EGR3: variants seen among roughly 807,000 people sequenced by gnomAD.
The protein encoded by EGR3 is early growth response 3.
A neutral mutation model predicts 22.4 loss-of-function variants in EGR3; 4 were observed. That is an observed-to-expected ratio of 0.18 (90% CI 0.09 to 0.41). EGR3 has a LOEUF of 0.41. Among genes scored for constraint, EGR3 ranks in the 10% least tolerant of loss-of-function variants. EGR3 has a pLI of 1.00. For synonymous variants in EGR3, 219 were observed against 226.8 expected (o/e 0.97, Z 0.31); for missense variants, 315 against 541.3 (o/e 0.58, Z 4.15).
rs1213642072 is a variant in EGR3 at position 22,687,686 on chromosome 8, T to C, written c.*2787A>G. On this transcript the variant is annotated 3_prime_UTR_variant, in exon 2 of 2. Coordinates refer to ENST00000317216, the MANE Select transcript of EGR3 (RefSeq NM_004430.3). The surrounding 1 kb of genome is among the most constrained non-coding windows in gnomAD (Gnocchi z 4.7). ...CAGGCCAAACTAAAGCTTTATGCTA[T>C]AAAAACAAGAAATAAAATAAGGAGA... The C allele has an allele frequency of 6.6e-6, 1 of 152,614 alleles. No individual in the cohort carries two copies. The highest frequency in any genetic ancestry group is 1.5e-5 in the Non-Finnish European group (1 of 68,022). The allele number at this position is 152,614 out of a possible 1,614,324, so 9.5% of individuals were successfully genotyped here. A position where few individuals can be genotyped will look rare whatever the true frequency, so the allele number is the denominator to read the frequency against.
rs1221323328 is a variant in EGR3 at position 22,688,689 on chromosome 8, C to T, written c.*1784G>A. The T allele has an allele frequency of 1.3e-5, 2 of 152,636 alleles. No homozygotes were observed. The highest frequency in any genetic ancestry group is 2.9e-5 in the Non-Finnish European group (2 of 68,040). The allele number at this position is 152,636 out of a possible 1,614,324, so 9.5% of individuals were successfully genotyped here. On this transcript the variant is annotated 3_prime_UTR_variant, in exon 2 of 2. Transcript: ENST00000317216. Reference sequence around the variant, plus strand: ...TTCTGTAAACTCCAGACCTTTGTTCCTTCTCTCTGGGCAACTTACTGACCA... The same window carrying T: ...TTCTGTAAACTCCAGACCTTTGTTCTTTCTCTCTGGGCAACTTACTGACCA...
rs767220380 is a variant in EGR3, at chr8:22,691,426, A to C, written c.211T>G (p.Ser71Ala). The C allele has an allele frequency of 3.1e-6, 5 of 1,613,950 alleles. No individual in the cohort carries two copies. The African/African-American group carries it at 4.0e-5, about 13-fold the overall frequency. The change falls in exon 2 of 2, where the codon TCC (serine) becomes GCC (alanine). Residue 71 changes from serine to alanine, a missense_variant. By Grantham distance (99) the Ser-to-Ala change is moderately conservative. This residue lies in a region of EGR3 where 227 missense variants were observed against 303.6 expected (regional missense o/e 0.75). Transcript: ENST00000317216. ...NEKPNPELSYSGSFQPAPGNK... is the reference protein window; with the variant it reads ...NEKPNPELSYAGSFQPAPGNK... ...CCGGGGGCTGGCTGGAAGGAGCCGG[A>C]GTAAGAGAGTTCCGGGTTGGGCTTC... is the stretch of plus-strand genomic sequence containing the variant.
At position 22,692,771 on chromosome 8, in the gene EGR3, C is replaced by T. The variant is rs373059385; in HGVS notation, c.154+20G>A. 1.6e-5 allele frequency: 25 copies of T among 1,612,674 alleles called. No individual in the cohort carries two copies. Among genetic ancestry groups the T allele is most frequent in the East Asian group, 6.7e-5 (3 of 44,844 alleles). Reference sequence around the variant, plus strand: ...TCCCCTTCCTTCCTCGCTGCCTCGCCGCCTCCCCGCCGCCCTTACCTGTAG... The same window carrying T: ...TCCCCTTCCTTCCTCGCTGCCTCGCTGCCTCCCCGCCGCCCTTACCTGTAG... On this transcript the variant is annotated intron_variant, in intron 1 of 1. Coordinates refer to ENST00000317216, the MANE Select transcript of EGR3 (RefSeq NM_004430.3). This position sits in a 1 kb window ranked among gnomAD's most constrained non-coding sequence, Gnocchi z 6.2.
rs902281212 is a variant in EGR3, at chr8:22,690,120, C to T, written c.*353G>A. 2.2e-5 allele frequency: 7 copies of T among 319,098 alleles called. No individual in the cohort carries two copies. In the East Asian group the frequency reaches 3.8e-4, roughly 17 times the overall value. The allele number at this position is 319,098 out of a possible 1,614,324, so 19.8% of individuals were successfully genotyped here. On this transcript the variant is annotated 3_prime_UTR_variant, in exon 2 of 2. Coordinates refer to ENST00000317216, the MANE Select transcript of EGR3 (RefSeq NM_004430.3). The stretch of plus-strand genomic sequence containing the variant: ...GAAACAATGAGGTGTTTGGGTCGGG[C>T]GAGGGTTGGATGGGCTCCGCCTTCA...
Position 22,688,571 on chromosome 8 carries a change from C to CA in EGR3, c.*1901dup, listed in dbSNP as rs1453035355. On this transcript the variant is annotated 3_prime_UTR_variant, in exon 2 of 2. Transcript: ENST00000317216. Reference sequence around the variant, plus strand: ...CCTTTTAGTATTATTTATCCACCACCAAAAATCAAAACAAAACAAAACAAA... The same window carrying CA: ...CCTTTTAGTATTATTTATCCACCACCAAAAAATCAAAACAAAACAAAACAAA... 1 of 152,294 alleles carries CA rather than the reference C, an allele frequency of 6.6e-6. No homozygotes were observed. The highest frequency in any genetic ancestry group is 2.1e-4 in the South Asian group (1 of 4,828). The allele number at this position is 152,294 out of a possible 1,614,324, so 9.4% of individuals were successfully genotyped here.
chr8:22,690,830 C>A lies in EGR3; in HGVS notation c.807G>T (p.Pro269=), dbSNP rs1337628261. The change falls in exon 2 of 2, where the codon CCG becomes CCT. Residue 269 remains proline (P), a synonymous_variant. Transcript: ENST00000317216. ...GGCACGCGTGGGGCCGTTCGTGGAGCGGTGTCTTGCTAGGCCGGTTGGGGT... is the reference window on the plus strand; with the variant it reads ...GGCACGCGTGGGGCCGTTCGTGGAGAGGTGTCTTGCTAGGCCGGTTGGGGT... ...RKYPNRPSKT[P]LHERPHACPA... 1 of 1,609,788 alleles carries A rather than the reference C, an allele frequency of 6.2e-7. No homozygotes were observed. Among genetic ancestry groups the A allele is most frequent in the Non-Finnish European group, 8.5e-7 (1 of 1,176,862 alleles).
chr8:22,691,584 G>T (rs1021629155), intron 1 of EGR3, 102 bp from the exon 2 acceptor site: 4 of 1,505,266 alleles, frequency 2.7e-6, no homozygotes, highest in Non-Finnish European at 3.6e-6. Flanking sequence ...GCGGCCGGGT[G>T]GAGTGCGTAG....
At position 22,692,965 on chromosome 8, in the gene EGR3, G is replaced by GCCGCCGCCA. The variant is rs762973969; in HGVS notation, c.-30_-22dup. ...GTCATAGCACTCCCGAGCTGCCGCCGCCGCCGCCACCGCCGCCACCGCCGC... is the reference window on the plus strand; with the variant it reads ...GTCATAGCACTCCCGAGCTGCCGCCGCCGCCGCCACCGCCGCCACCGCCGCCACCGCCGC... On this transcript the variant is annotated 5_prime_UTR_variant, in exon 1 of 2. Transcript: ENST00000317216. The surrounding 1 kb of genome is among the most constrained non-coding windows in gnomAD (Gnocchi z 6.2). 1.4e-5 allele frequency: 22 copies of GCCGCCGCCA among 1,597,442 alleles called. No homozygotes were observed. The highest frequency in any genetic ancestry group is 3.3e-5 in the South Asian group (3 of 90,428).
chr8:22,688,681 CT>C lies in EGR3; in HGVS notation c.*1791del, dbSNP rs1803844333. Reference sequence around the variant, plus strand: ...AACAGACATTCTGTAAACTCCAGACCTTTGTTCCTTCTCTCTGGGCAACTTA... The same window carrying C: ...AACAGACATTCTGTAAACTCCAGACCTTGTTCCTTCTCTCTGGGCAACTTA... On this transcript the variant is annotated 3_prime_UTR_variant, in exon 2 of 2. Transcript: ENST00000317216. 3 of 152,638 alleles carry C rather than the reference CT, an allele frequency of 2.0e-5. No individual in the cohort carries two copies. Among genetic ancestry groups the C allele is most frequent in the Admixed American group, 2.0e-4 (3 of 15,284 alleles). The allele number at this position is 152,638 out of a possible 1,614,324, so 9.5% of individuals were successfully genotyped here. A position where few individuals can be genotyped will look rare whatever the true frequency, so the allele number is the denominator to read the frequency against.
rs906202149 is a variant in EGR3 at position 22,692,537 on chromosome 8, G to A, written c.154+254C>T. 8 of 1,417,722 alleles carry A rather than the reference G, an allele frequency of 5.6e-6. No homozygotes were observed. The highest frequency in any genetic ancestry group is 1.4e-5 in the African/African-American group (1 of 69,204). 87.8% of individuals were successfully genotyped at this position (1,417,722 alleles called of 1,614,324 possible). A position where few individuals can be genotyped will look rare whatever the true frequency, so the allele number is the denominator to read the frequency against. Reference sequence around the variant, plus strand: ...GCGGCTGCCCCCACCCGGGAGAACCGAAGCCTCTACCGTGGCGTCGCCAAC... The same window carrying A: ...GCGGCTGCCCCCACCCGGGAGAACCAAAGCCTCTACCGTGGCGTCGCCAAC... On this transcript the variant is annotated intron_variant, in intron 1 of 1. Coordinates refer to ENST00000317216, the MANE Select transcript of EGR3 (RefSeq NM_004430.3). This position sits in a 1 kb window ranked among gnomAD's most constrained non-coding sequence, Gnocchi z 6.2.
rs936722608 is a variant in EGR3, at chr8:22,692,465, G to T, written c.154+326C>A. The T allele has an allele frequency of 2.5e-5, 36 of 1,424,130 alleles. No homozygotes were observed. The highest frequency in any genetic ancestry group is 3.2e-5 in the Non-Finnish European group (35 of 1,093,890). 88.2% of individuals were successfully genotyped at this position (1,424,130 alleles called of 1,614,324 possible). A position where few individuals can be genotyped will look rare whatever the true frequency, so the allele number is the denominator to read the frequency against. ...AGCCCGGCGATCGGGCCCCCTGCGTGGTGAGGGAGAACCCCAGAGCCGCTC... is the reference window on the plus strand; with the variant it reads ...AGCCCGGCGATCGGGCCCCCTGCGTTGTGAGGGAGAACCCCAGAGCCGCTC... On this transcript the variant is annotated intron_variant, in intron 1 of 1. Transcript: ENST00000317216. This position sits in a 1 kb window ranked among gnomAD's most constrained non-coding sequence, Gnocchi z 6.2.
chr8:22,690,528 G>A lies in EGR3; in HGVS notation c.1109C>T (p.Ser370Phe). Residue 370 changes from serine (S) to phenylalanine (F), a missense_variant, in exon 2 of 2, where the codon TCT (serine) becomes TTT (phenylalanine). Around this residue, in one of 4 missense-constraint regions of EGR3, gnomAD observed 38 missense variants for 37.5 expected, o/e 1.01. Coordinates refer to ENST00000317216, the MANE Select transcript of EGR3 (RefSeq NM_004430.3). ...CGACACGGGGGGCGCCGAGGATGCA[G>A]AGGGTGCACCGCCCTTCTCCGCCTT... ...EKKAEKGGAP[S>F]ASSAPPVSLA... 6.2e-7 allele frequency: 1 copy of A among 1,612,840 alleles called. No individual in the cohort carries two copies. The highest frequency in any genetic ancestry group is 8.5e-7 in the Non-Finnish European group (1 of 1,179,632).
rs1040133949 is a variant in EGR3, at chr8:22,689,112, T to A, written c.*1361A>T. Reference sequence around the variant, plus strand: ...ATAACACACGTATGTAGATATAATCTCATCAGTTAACATTTTCATAAAAAA... The same window carrying A: ...ATAACACACGTATGTAGATATAATCACATCAGTTAACATTTTCATAAAAAA... On this transcript the variant is annotated 3_prime_UTR_variant, in exon 2 of 2. Transcript: ENST00000317216. The A allele has an allele frequency of 6.6e-6, 1 of 152,652 alleles. No homozygotes were observed. Among genetic ancestry groups the A allele is most frequent in the Admixed American group, 6.5e-5 (1 of 15,280 alleles). 9.5% of individuals were successfully genotyped at this position (152,652 alleles called of 1,614,324 possible).
At position 22,693,092 on chromosome 8, in the gene EGR3, G is replaced by C; in HGVS notation, c.-148C>G. ...GGGAAAGTTCGGGGGGAGGGGGGAG[G>C]GAAGAAGGGAAGGGATGGGCCAGGA... On this transcript the variant is annotated 5_prime_UTR_variant, in exon 1 of 2. Transcript: ENST00000317216. The C allele has an allele frequency of 5.4e-6, 2 of 371,088 alleles. No homozygotes were observed. The highest frequency in any genetic ancestry group is 3.2e-5 in the Admixed American group (1 of 31,326). 23.0% of individuals were successfully genotyped at this position (371,088 alleles called of 1,614,324 possible). A position where few individuals can be genotyped will look rare whatever the true frequency, so the allele number is the denominator to read the frequency against.
rs1458560563 is a variant in EGR3, at chr8:22,692,268, T to G, written c.154+523A>C. ...CGCCGTCCCCACACCCCCACGGCTT[T>G]GCTGAACGCCCCGGAAAGGCAGCGT... On this transcript the variant is annotated intron_variant, in intron 1 of 1. Transcript: ENST00000317216. This position sits in a 1 kb window ranked among gnomAD's most constrained non-coding sequence, Gnocchi z 6.2. The G allele has an allele frequency of 2.6e-6, 4 of 1,509,478 alleles. No individual in the cohort carries two copies. The highest frequency in any genetic ancestry group is 2.6e-6 in the Non-Finnish European group (3 of 1,135,028). 93.5% of individuals were successfully genotyped at this position (1,509,478 alleles called of 1,614,324 possible).
chr8:22,692,939 G>A lies in EGR3; in HGVS notation c.6C>T (p.Thr2=), dbSNP rs375168773. 2 of 1,610,936 alleles carry A rather than the reference G, an allele frequency of 1.2e-6. No individual in the cohort carries two copies. Among genetic ancestry groups the A allele is most frequent in the Non-Finnish European group, 1.7e-6 (2 of 1,179,364 alleles). The change falls in exon 1 of 2, where the codon ACC becomes ACT. Residue 2 remains threonine (T), a synonymous_variant. Transcript: ENST00000317216. This position sits in a 1 kb window ranked among gnomAD's most constrained non-coding sequence, Gnocchi z 6.2. Reference sequence around the variant, plus strand: ...CCGGCAGCTTCTCGGCGAGTTTGCCGGTCATAGCACTCCCGAGCTGCCGCC... The same window carrying A: ...CCGGCAGCTTCTCGGCGAGTTTGCCAGTCATAGCACTCCCGAGCTGCCGCC... The part of the protein sequence containing the change: M[T]GKLAEKLPVT...
At position 22,692,614 on chromosome 8, in the gene EGR3, G is replaced by T; in HGVS notation, c.154+177C>A. 4 of 1,439,290 alleles carry T rather than the reference G, an allele frequency of 2.8e-6. No individual in the cohort carries two copies. Among genetic ancestry groups the T allele is most frequent in the Non-Finnish European group, 3.7e-6 (4 of 1,095,538 alleles). The allele number at this position is 1,439,290 out of a possible 1,614,324, so 89.2% of individuals were successfully genotyped here. A position where few individuals can be genotyped will look rare whatever the true frequency, so the allele number is the denominator to read the frequency against. On this transcript the variant is annotated intron_variant, in intron 1 of 1. Transcript: ENST00000317216. The surrounding 1 kb of genome is among the most constrained non-coding windows in gnomAD (Gnocchi z 6.2). ...GAGGAGTGGGTGGGAAAAGCAACTC[G>T]CCCCCCGCAAAATTCCCAGCGCGCC...
In EGR3 at chr8:22,690,503, C is replaced by T. The variant is rs1337856126; in HGVS notation, c.1134G>A (p.Ser378=). The change falls in exon 2 of 2, where the codon TCG becomes TCA. Residue 378 remains serine (S), a synonymous_variant. Coordinates refer to ENST00000317216, the MANE Select transcript of EGR3 (RefSeq NM_004430.3). ...APSASSAPPV[S]LAPVVTTCA ...CGCAGGTGGTGACCACGGGGGCCAG[C>T]GACACGGGGGGCGCCGAGGATGCAG... The T allele has an allele frequency of 6.2e-7, 1 of 1,608,600 alleles. No individual in the cohort carries two copies. Among genetic ancestry groups the T allele is most frequent in the Non-Finnish European group, 8.5e-7 (1 of 1,177,042 alleles).
rs1803892500 is a variant in EGR3, at chr8:22,690,073, G to C, written c.*400C>G. On this transcript the variant is annotated 3_prime_UTR_variant, in exon 2 of 2. Coordinates refer to ENST00000317216, the MANE Select transcript of EGR3 (RefSeq NM_004430.3). ...CCCTCCCCCTCTCGAGTCTTCGAGG[G>C]GGTATAGAGGGAGACGTGGGGGAAA... 5 of 222,074 alleles carry C rather than the reference G, an allele frequency of 2.3e-5. No homozygotes were observed. In the Admixed American group the frequency reaches 2.7e-4, roughly 12 times the overall value. 13.8% of individuals were successfully genotyped at this position (222,074 alleles called of 1,614,324 possible). A position where few individuals can be genotyped will look rare whatever the true frequency, so the allele number is the denominator to read the frequency against.
Sources: gnomAD v4.1 joint callset for allele counts on GRCh38, gnomAD v4.1.1 for gene constraint, gnomAD v4.1.1 regional missense constraint, Gnocchi (gnomAD v3.1) non-coding constraint, MANE v1.5 for transcripts, NCBI Gene and HGNC (gene_info 2026-07-23, HGNC 2026-07-21) for gene names.